The following EDAR variants were observed in gnomAD, a reference collection of about 807,000 sequenced individuals.
The protein encoded by EDAR is tumor necrosis factor receptor superfamily member EDAR.
Under a neutral mutation model 51.3 loss-of-function variants are expected in EDAR, and 38 were observed. The ratio of observed to expected loss-of-function variants is 0.74; its 90% CI spans 0.57 to 0.97. The LOEUF (loss-of-function observed/expected upper bound fraction) is 0.97. EDAR is among the 50% of genes least tolerant of loss of function. EDAR has a pLI of 0.00. For missense variants in EDAR, 528 were observed against 595.0 expected (o/e 0.89, Z 1.17); for synonymous variants, 227 against 242.1 (o/e 0.94, Z 0.58).
chr2:108,929,261 C>G lies in EDAR; in HGVS notation c.293G>C (p.Arg98Pro), dbSNP rs144473052. Residue 98 changes from arginine (R) to proline (P), a missense_variant, in exon 4 of 12, where the codon CGG (arginine) becomes CCG (proline). By Grantham distance (103) the Arg-to-Pro change is moderately radical (BLOSUM62 -2). Transcript: ENST00000258443. ...RRHKDCEGFF[R>P]ATVLTPGDME... is the part of the protein sequence containing the mutation. The stretch of plus-strand genomic sequence containing the variant: ...GTCCCCTGGTGTCAGCACGGTGGCC[C>G]GGAAGAAGCCCTCACAGTCTTTGTG... 8.1e-6 allele frequency: 13 copies of G among 1,614,140 alleles called. No homozygotes were observed. The highest frequency in any genetic ancestry group is 1.1e-5 in the Non-Finnish European group (13 of 1,180,026).
At chr2:108,919,061 G>A (rs1018171981) in intron 5 of EDAR, among the ~76,000 whole-genome samples, 8 of 152,112 alleles carry the variant, frequency 5.3e-5, no homozygotes, top group South Asian at 2.1e-4. Context: ...ATTGCTCAGC[G>A]GGTCCCTGGA....
chr2:108,919,827 T>G (rs1485938168), intron 5 of EDAR, among the ~76,000 whole-genome samples: 3 of 152,234 alleles, frequency 2.0e-5, no homozygotes. Context: ...GGAGCCCTTC[T>G]GCCCAGTGGC....
At chr2:108,967,079 C>T (rs781486441) in intron 1 of EDAR, among the ~76,000 whole-genome samples, 8 of 152,180 alleles carry the variant, frequency 5.3e-5, no homozygotes, top group Non-Finnish European at 8.8e-5. Flanking sequence ...GGATTACAGG[C>T]ACCCGCTACC....
intron 1 of EDAR, among the ~76,000 whole-genome samples, chr2:108,960,544 A>G (rs1199116900): frequency 6.6e-6 from 1 of 152,242 alleles, no homozygotes. Flanking sequence ...CCCGTCAGCC[A>G]GCAGAAAAGT....
At chr2:108,929,492 G>T in intron 3 of EDAR, 113 bp from the exon 4 acceptor site, 1 of 1,166,864 alleles carries the variant, frequency 8.6e-7, no homozygotes, top group Non-Finnish European at 1.3e-6. Flanking sequence ...AGCTACTCTT[G>T]CCGGGCCTTG....
chr2:108,937,191 C>T (rs755712285), intron 1 of EDAR, among the ~76,000 whole-genome samples: 27 of 152,248 alleles, frequency 1.8e-4, no homozygotes, highest in Non-Finnish European at 3.5e-4. Flanking sequence ...GGTTTATAAG[C>T]AGCCACTCTT....
intron 1 of EDAR, among the ~76,000 whole-genome samples, chr2:108,974,866 C>G (rs2104453328): frequency 6.6e-6 from 1 of 152,316 alleles, no homozygotes; most frequent in African/African-American, 2.4e-5. Flanking sequence ...GCTGCCTCAC[C>G]AGGCCTGCCC....
intron 1 of EDAR, among the ~76,000 whole-genome samples, chr2:108,943,916 T>A (rs2105478745): frequency 6.6e-6 from 1 of 152,342 alleles, no homozygotes; most frequent in South Asian, 2.1e-4. Flanking sequence ...TCAGTTACGT[T>A]GCTTCCAAAA....
At chr2:108,942,775 T>C (rs1329885451) in intron 1 of EDAR, among the ~76,000 whole-genome samples, 6 of 152,244 alleles carry the variant, frequency 3.9e-5, no homozygotes, top group African/African-American at 7.2e-5. Context: ...CGAAGGTTCG[T>C]GCCCTGAGAA....
Position 108,975,987 on chromosome 2 carries a change from G to A in EDAR, c.-19+12973C>T, listed in dbSNP as rs562045237. On this transcript the variant is annotated intron_variant, in intron 1 of 11. Coordinates refer to ENST00000258443, the MANE Select transcript of EDAR (RefSeq NM_022336.4). ...TGTAAATTCAATACAGAGTGTTCCC[G>A]GGGACCCCACACCAGTTTTCCTTTT... 3.3e-5 allele frequency among the ~76,000 whole-genome samples: 5 copies of A among 152,190 alleles called. No homozygotes were observed. The South Asian group carries it at 6.2e-4, about 19-fold the overall frequency.
At chr2:108,950,086 G>A (rs1236583331) in intron 1 of EDAR, among the ~76,000 whole-genome samples, 4 of 152,204 alleles carry the variant, frequency 2.6e-5, no homozygotes, top group Non-Finnish European at 2.9e-5. Context: ...ACCCCAGGAG[G>A]GGCCTGCTGG....
chr2:108,967,958 A>G (rs1418634933), intron 1 of EDAR, among the ~76,000 whole-genome samples: 1 of 152,212 alleles, frequency 6.6e-6, no homozygotes, highest in Non-Finnish European at 1.5e-5. Context: ...CCCCAGCCAC[A>G]GGGGTAGAAA....
chr2:108,929,016 C>T (rs536507979), intron 4 of EDAR, among the ~76,000 whole-genome samples, 182 bp downstream of exon 4: 50 of 152,348 alleles, frequency 3.3e-4, no homozygotes, highest in Non-Finnish European at 5.4e-4. Context: ...TGCCTGTCCA[C>T]CGGAGGGGCC....
At chr2:108,910,328 C>T (rs1696893989) in intron 9 of EDAR, 132 bp downstream of exon 9, 3 of 727,538 alleles carry the variant, frequency 4.1e-6, no homozygotes, top group Admixed American at 2.2e-5. Flanking sequence ...GTGGTGGGGA[C>T]TGTCTGTCGC....
At position 108,895,724 on chromosome 2, in the gene EDAR, G is replaced by A. The variant is rs1303289047; in HGVS notation, c.*1183C>T. 6.6e-6 allele frequency: 1 copy of A among 152,234 alleles called. No homozygotes were observed. The highest frequency in any genetic ancestry group is 1.5e-5 in the Non-Finnish European group (1 of 68,086). 9.4% of individuals were successfully genotyped at this position (152,234 alleles called of 1,614,324 possible). ...TTGGCAGACGAGAAACTGAGGCAGA[G>A]AGAGGAAAAGACAAGGCCCAAGGTG... On this transcript the variant is annotated 3_prime_UTR_variant, in exon 12 of 12. Transcript: ENST00000258443.
chr2:108,912,850 T>G, intron 5 of EDAR, 86 bp from the exon 6 acceptor site: 1 of 1,132,230 alleles, frequency 8.8e-7, no homozygotes, highest in South Asian at 1.3e-5. Flanking sequence ...TCTGGATTCA[T>G]GATCATGAAT....
At chr2:108,975,316 G>C (rs1440429877) in intron 1 of EDAR, among the ~76,000 whole-genome samples, 1 of 152,228 alleles carries the variant, frequency 6.6e-6, no homozygotes, top group Admixed American at 6.5e-5. Context: ...GTTCCCACCC[G>C]TGTCTTCTAT....
chr2:108,975,494 A>C (rs1698306967), intron 1 of EDAR, among the ~76,000 whole-genome samples: 1 of 152,182 alleles, frequency 6.6e-6, no homozygotes. Context: ...AGCCTGGGTC[A>C]ACCCGCGGTA....
At chr2:108,967,606 G>T (rs1159820976) in intron 1 of EDAR, among the ~76,000 whole-genome samples, 2 of 152,150 alleles carry the variant, frequency 1.3e-5, no homozygotes, top group Admixed American at 1.3e-4. Flanking sequence ...AAGAGCAGGG[G>T]GCTGTCCATG....
Sources: gnomAD v4.1 joint callset for allele counts (sites outside exome capture counted in the v4.1 genomes callset) on GRCh38, gnomAD v4.1.1 for gene constraint, MANE v1.5 for transcripts, NCBI Gene and HGNC (gene_info 2026-07-23, HGNC 2026-07-21) for gene names.